Variants in ZBBX observed in about 807,000 individuals in gnomAD.
ZBBX encodes the protein zinc finger B-box domain-containing protein 1.
ZBBX carries 101 observed loss-of-function variants against 108.5 expected under a neutral mutation model. The ratio of observed to expected loss-of-function variants is 0.93; its 90% confidence interval spans 0.79 to 1.10. The LOEUF (loss-of-function observed/expected upper bound fraction) is 1.10, where lower values mean the gene tolerates loss of function less well. Ranked by LOEUF, ZBBX falls within the 50% of genes least tolerant of loss-of-function variation. ZBBX has a pLI of 0.00. For synonymous variants in ZBBX, 356 were observed against 323.4 expected, an observed-to-expected ratio of 1.10 and a Z score of -1.08; for missense variants, 1,009 against 941.4, an observed-to-expected ratio of 1.07 and a Z score of -0.94.
At chr3:167,301,954 TAAA>T (rs71176635) in intron 17 of ZBBX, among the ~76,000 whole-genome samples, 1,955 of 92,100 alleles carry the variant, frequency 0.021, 41 homozygotes, top group East Asian at 0.074. Context: ...AAGACTCCGT[TAAA>T]AAAAAAAAAA....
the ZBBX span, among the ~76,000 whole-genome samples, chr3:167,222,860 A>C: frequency 6.6e-6 from 1 of 152,064 alleles, no homozygotes; most frequent in African/African-American, 2.4e-5. Context: ...GTTAGAATAA[A>C]GTCCAATGTT....
intron 11 of ZBBX, among the ~76,000 whole-genome samples, chr3:167,325,739 G>A (rs1311994784): frequency 1.3e-5 from 2 of 152,090 alleles, no homozygotes; most frequent in African/African-American, 2.4e-5. Context: ...TGAGAGTAAT[G>A]TTGTATACCT....
At chr3:167,337,609 G>A (rs371577302) in intron 9 of ZBBX, among the ~76,000 whole-genome samples, 34 of 152,074 alleles carry the variant, frequency 2.2e-4, no homozygotes, top group East Asian at 1.4e-3. Context: ...CTGGTTTATA[G>A]CAAAATAGTA....
rs765742716 is a variant in ZBBX, at chr3:167,328,042, A to G, written c.762T>C (p.Asp254=). Residue 254 remains aspartate, a synonymous_variant, in exon 11 of 22, where the codon GAT becomes GAC. Transcript: ENST00000675490. ...GAAAGGACTGTGCAGAAGCTTCTTCATCGAATGACCCTTCACACAACAGAC... is the reference window on the plus strand; with the variant it reads ...GAAAGGACTGTGCAGAAGCTTCTTCGTCGAATGACCCTTCACACAACAGAC... ...RKSLLCEGSF[D]EEASAQSFQE... 1.9e-6 allele frequency: 3 copies of G among 1,613,698 alleles called. No individual in the cohort carries two copies. The highest frequency in any genetic ancestry group is 2.5e-6 in the Non-Finnish European group (3 of 1,179,940).
At chr3:167,245,338 G>A (rs930735989) in intron 20 of ZBBX, among the ~76,000 whole-genome samples, 1 of 152,202 alleles carries the variant, frequency 6.6e-6, no homozygotes, top group East Asian at 1.9e-4. Flanking sequence ...ACTCCAGCCT[G>A]GGCGACAAAG....
chr3:167,308,651 G>T (rs1734074335), intron 16 of ZBBX, among the ~76,000 whole-genome samples: 1 of 152,116 alleles, frequency 6.6e-6, no homozygotes, highest in Admixed American at 6.5e-5. Context: ...TACTTTGCAT[G>T]GACATGGATG....
At position 167,274,263 on chromosome 3, in the gene ZBBX, T is replaced by C. The variant is rs570914084; in HGVS notation, c.2254+7975A>G. On this transcript the variant is annotated intron_variant, in intron 20 of 21. Transcript: ENST00000675490. ...AGATGATTTGGTAAATGGAAAGGAG[T>C]CATGGCCCCAATCTTCACTTCTCTT... 3.3e-5 allele frequency among the ~76,000 whole-genome samples: 5 copies of C among 152,206 alleles called. No homozygotes were observed. The East Asian group carries it at 9.7e-4, about 29-fold the overall frequency.
intron 20 of ZBBX, among the ~76,000 whole-genome samples, chr3:167,276,933 C>T (rs1271231930): frequency 6.6e-6 from 1 of 151,828 alleles, no homozygotes; most frequent in Non-Finnish European, 1.5e-5. Context: ...GAGTGGGGGC[C>T]AATATTCAAC....
intron 13 of ZBBX, among the ~76,000 whole-genome samples, 170 bp from the exon 14 acceptor site, chr3:167,317,275 A>T (rs1735627541): frequency 6.6e-6 from 1 of 152,056 alleles, no homozygotes; most frequent in Admixed American, 6.6e-5. Context: ...ATTAGCATTC[A>T]ATTTTTAAAT....
chr3:167,370,813 T>C (rs760655253), intron 4 of ZBBX, among the ~76,000 whole-genome samples: 30 of 152,282 alleles, frequency 2.0e-4, no homozygotes, highest in Middle Eastern at 3.4e-3. Context: ...AAATGATAAG[T>C]TCAGCAAAAA....
At chr3:167,179,355 CA>C in the ZBBX span, among the ~76,000 whole-genome samples, 1 of 152,212 alleles carries the variant, frequency 6.6e-6, no homozygotes, top group African/African-American at 2.4e-5. Flanking sequence ...CGTTTGAGAC[CA>C]GAGGCATTAG....
chr3:167,282,888 G>C (rs1291870882), intron 19 of ZBBX, among the ~76,000 whole-genome samples: 1 of 151,946 alleles, frequency 6.6e-6, no homozygotes, highest in Non-Finnish European at 1.5e-5. Flanking sequence ...TTAATACCTT[G>C]TAAGAAAAAA....
intron 17 of ZBBX, among the ~76,000 whole-genome samples, chr3:167,299,399 TGGCCCTCC>T (rs1219375852): frequency 2.6e-5 from 4 of 152,088 alleles, no homozygotes; most frequent in African/African-American, 9.6e-5. Context: ...ACATATCCCC[TGGCCCTCC>T]CAGACACCAA....
At chr3:167,311,495 A>G (rs142198110) in intron 16 of ZBBX, among the ~76,000 whole-genome samples, 2,871 of 152,270 alleles carry the variant, frequency 0.019, 101 homozygotes, top group African/African-American at 0.065. Flanking sequence ...GAGAATAAAC[A>G]GGCAATCCAT....
chr3:167,341,604 C>A (rs1186072978), intron 9 of ZBBX, among the ~76,000 whole-genome samples: 1 of 151,750 alleles, frequency 6.6e-6, no homozygotes, highest in Non-Finnish European at 1.5e-5. Context: ...ATAGCAAAAA[C>A]AAAATAACAT....
the ZBBX span, among the ~76,000 whole-genome samples, chr3:167,179,601 GA>G: frequency 6.6e-6 from 1 of 152,210 alleles, no homozygotes; most frequent in Non-Finnish European, 1.5e-5. Context: ...TGTGTGAAAT[GA>G]ACCACATATG....
At chr3:167,285,732 G>A (rs1729582213) in intron 19 of ZBBX, among the ~76,000 whole-genome samples, 1 of 152,166 alleles carries the variant, frequency 6.6e-6, no homozygotes, top group East Asian at 1.9e-4. Flanking sequence ...CTCTAAAACT[G>A]CCAGGCACTG....
At chr3:167,187,223 C>T in the ZBBX span, among the ~76,000 whole-genome samples, 2 of 152,144 alleles carry the variant, frequency 1.3e-5, no homozygotes, top group African/African-American at 4.8e-5. Context: ...AGTGAAACGG[C>T]AAAAGTAACA....
chr3:167,217,884 TCTCA>T, the ZBBX span, among the ~76,000 whole-genome samples: 3 of 136,486 alleles, frequency 2.2e-5, no homozygotes, highest in African/African-American at 5.4e-5. Flanking sequence ...TGTCGCATGT[TCTCA>T]CTATTTTTTT....
Sources: gnomAD v4.1 joint callset for allele counts (sites outside exome capture counted in the v4.1 genomes callset) on GRCh38, gnomAD v4.1.1 for gene constraint, MANE v1.5 for transcripts, NCBI Gene and HGNC (gene_info 2026-07-23, HGNC 2026-07-21) for gene names.